POTEM: variants seen among roughly 807,000 people sequenced by gnomAD.
POTEM encodes the protein putative POTE ankyrin domain family member M.
For missense variants in POTEM, 24 were observed against 343.0 expected (o/e 0.07, Z 7.35); for synonymous variants, 8 against 113.2 (o/e 0.07, Z 5.90).
chr14:18,969,306 CGTATAT>C (rs1890844505), intron 1 of POTEM, among the ~76,000 whole-genome samples: 6 of 45,604 alleles, frequency 1.3e-4, no homozygotes. Context: ...TATGTATATA[CGTATAT>C]ATATGTATAT....
At chr14:18,968,626 C>G (rs1259994829) in intron 1 of POTEM, among the ~76,000 whole-genome samples, 1 of 139,946 alleles carries the variant, frequency 7.1e-6, no homozygotes, top group Non-Finnish European at 1.6e-5. Flanking sequence ...CGAGACCATC[C>G]TGGCTAACAC....
chr14:18,968,822 C>CAAAAA (rs71222663), intron 1 of POTEM, among the ~76,000 whole-genome samples: 28 of 145,648 alleles, frequency 1.9e-4, no homozygotes, highest in African/African-American at 6.8e-4. Flanking sequence ...GACTCCGTCT[C>CAAAAA]AAAAAAAAAA....
Position 19,003,189 on chromosome 14 carries a change from TGAC to T in POTEM, c.*4528_*4530del, listed in dbSNP as rs1263305377. On this transcript the variant is annotated 3_prime_UTR_variant, in exon 11 of 11. Coordinates refer to ENST00000547889, the MANE Select transcript of POTEM (RefSeq NM_001145442.1). ...TCTGCAAAATAACCAGCTGACAGCA[TGAC>T]GACAGGATAAAATCCACACATACCA... is the stretch of plus-strand genomic sequence containing the variant. Among the ~76,000 whole-genome samples, 91 of 132,810 alleles carry T rather than the reference TGAC, an allele frequency of 6.9e-4. No individual in the cohort carries two copies. Among genetic ancestry groups the T allele is most frequent in the Non-Finnish European group, 1.2e-3 (71 of 61,632 alleles). The allele number at this position is 132,810 out of a possible 152,430, so 87.1% of individuals were successfully genotyped here.
chr14:18,991,061 T>A (rs1203499094), intron 9 of POTEM, among the ~76,000 whole-genome samples: 6 of 115,570 alleles, frequency 5.2e-5, no homozygotes, highest in African/African-American at 1.7e-4. Flanking sequence ...TTTTTGTATT[T>A]TTAGTAGTGA....
At chr14:18,991,097 T>G (rs1382780630) in intron 9 of POTEM, among the ~76,000 whole-genome samples, 1 of 126,138 alleles carries the variant, frequency 7.9e-6, no homozygotes, top group Non-Finnish European at 1.8e-5. Flanking sequence ...TTGGCCAGGC[T>G]GGTCTCAAAC....
intron 6 of POTEM, among the ~76,000 whole-genome samples, chr14:18,983,285 T>C: frequency 8.6e-6 from 1 of 116,094 alleles, no homozygotes; most frequent in South Asian, 2.7e-4. Flanking sequence ...AAAGTCAGCA[T>C]CCACAGAACA....
intron 1 of POTEM, among the ~76,000 whole-genome samples, chr14:18,969,134 G>C (rs1231527750): frequency 7.2e-6 from 1 of 139,342 alleles, no homozygotes; most frequent in Non-Finnish European, 1.5e-5. Flanking sequence ...ATTTAAAAAA[G>C]ATGGATTGTT....
At chr14:18,969,395 T>G (rs1226007340) in intron 1 of POTEM, among the ~76,000 whole-genome samples, 4 of 130,850 alleles carry the variant, frequency 3.1e-5, no homozygotes, top group Admixed American at 1.5e-4. Context: ...AATTTCTTTT[T>G]TTTTTTTGAT....
intron 9 of POTEM, among the ~76,000 whole-genome samples, chr14:18,991,099 G>T (rs879451307): frequency 1.6e-5 from 2 of 126,126 alleles, no homozygotes; most frequent in Non-Finnish European, 3.6e-5. Context: ...GGCCAGGCTG[G>T]TCTCAAACTC....
At chr14:18,969,334 C>T (rs376817633) in intron 1 of POTEM, among the ~76,000 whole-genome samples, 4 of 99,484 alleles carry the variant, frequency 4.0e-5, no homozygotes, top group Admixed American at 1.8e-4. Context: ...TATATATATA[C>T]GTATATACAT....
intron 7 of POTEM, among the ~76,000 whole-genome samples, chr14:18,986,642 A>G (rs1701619185): frequency 6.9e-6 from 1 of 144,456 alleles, no homozygotes; most frequent in Non-Finnish European, 1.5e-5. Flanking sequence ...AAATGTAAGA[A>G]TTTGCATCTC....
intron 9 of POTEM, among the ~76,000 whole-genome samples, chr14:18,996,302 A>G (rs1891298910): frequency 6.7e-6 from 1 of 148,978 alleles, no homozygotes; most frequent in Admixed American, 6.7e-5. Context: ...TTCTAAAAGG[A>G]ATTTCTAAGT....
At chr14:18,996,146 A>T (rs374715301) in intron 9 of POTEM, among the ~76,000 whole-genome samples, 1 of 152,144 alleles carries the variant, frequency 6.6e-6, no homozygotes, top group Non-Finnish European at 1.5e-5. Context: ...TTTGCCTAGG[A>T]CTTCCCAGTT....
intron 5 of POTEM, chr14:18,978,464 TAAAGGGTCAGAGGAGTTCC>T (rs1891022888): frequency 1.2e-5 from 1 of 85,212 alleles, no homozygotes; most frequent in East Asian, 4.0e-4. Context: ...AGGCTTGTTC[TAAAGGGTCAGAGGAGTTCC>T]AAAGGGTCAG....
intron 9 of POTEM, among the ~76,000 whole-genome samples, chr14:18,996,752 TTA>T (rs1170740272): frequency 8.2e-6 from 1 of 122,474 alleles, no homozygotes; most frequent in African/African-American, 3.2e-5. Flanking sequence ...AATTATTTCA[TTA>T]TATATTAATA....
chr14:18,999,036 G>A lies in POTEM; in HGVS notation c.*371G>A. 1 of 205,808 alleles carries A rather than the reference G, an allele frequency of 4.9e-6. No individual in the cohort carries two copies. The highest frequency in any genetic ancestry group is 8.9e-6 in the Non-Finnish European group (1 of 112,064). The allele number at this position is 205,808 out of a possible 1,614,324, so 12.7% of individuals were successfully genotyped here. Reference sequence around the variant, plus strand: ...TCAGATGGAGTCCTATGTGGGCAATGAGGCCCAGAGCAAGAGAGGCATCCT... The same window carrying A: ...TCAGATGGAGTCCTATGTGGGCAATAAGGCCCAGAGCAAGAGAGGCATCCT... On this transcript the variant is annotated 3_prime_UTR_variant, in exon 11 of 11. Coordinates refer to ENST00000547889, the MANE Select transcript of POTEM (RefSeq NM_001145442.1).
chr14:18,977,316 A>G, intron 4 of POTEM, 150 bp from the exon 5 acceptor site: 1 of 1,227,068 alleles, frequency 8.1e-7, no homozygotes, highest in Non-Finnish European at 1.1e-6. Flanking sequence ...TATTTTACAA[A>G]GATGAACACT....
chr14:18,992,946 C>T lies in POTEM; in HGVS notation c.1410-4095C>T, dbSNP rs1388938105. On this transcript the variant is annotated intron_variant, in intron 9 of 10. Transcript: ENST00000547889. ...GAGTCTTGCTCTGTCACCCAGGCTG[C>T]AGTGCAGTGGCGTGACCTCGGCTCA... 6.1e-5 allele frequency among the ~76,000 whole-genome samples: 4 copies of T among 65,900 alleles called. 2 individuals are homozygous for T. Among genetic ancestry groups the T allele is most frequent in the African/African-American group, 3.0e-4 (4 of 13,338 alleles). The allele number at this position is 65,900 out of a possible 152,430, so 43.2% of individuals were successfully genotyped here. A position where few individuals can be genotyped will look rare whatever the true frequency, so the allele number is the denominator to read the frequency against.
chr14:18,969,321 A>ATATATTATGTATATACGTATATATATATG (rs1594271319), intron 1 of POTEM, among the ~76,000 whole-genome samples: 2 of 103,448 alleles, frequency 1.9e-5, no homozygotes, highest in African/African-American at 8.9e-5. Context: ...ATATATGTAT[A>ATATATTATGTATATACGTATATATATATG]TATATATATA....
Sources: gnomAD v4.1 joint callset for allele counts (sites outside exome capture counted in the v4.1 genomes callset) on GRCh38, gnomAD v4.1.1 for gene constraint, MANE v1.5 for transcripts, NCBI Gene and HGNC (gene_info 2026-07-23, HGNC 2026-07-21) for gene names.